The following PLCB4 variants were observed in gnomAD, a reference collection of about 807,000 sequenced individuals.
The protein encoded by PLCB4 is 1-phosphatidylinositol 4,5-bisphosphate phosphodiesterase beta-4.
In PLCB4, 77 loss-of-function variants were observed where a neutral mutation model predicts 178.8. That is an observed-to-expected ratio of 0.43 (90% confidence interval 0.36 to 0.52). The LOEUF (loss-of-function observed/expected upper bound fraction) is 0.52, where lower values mean the gene tolerates loss of function less well. Among genes scored for constraint, PLCB4 ranks in the 20% least tolerant of loss-of-function variants. The probability of loss-of-function intolerance (pLI) is 0.00; values close to 1 mark genes in which losing one functional copy is unlikely to be tolerated. For missense variants in PLCB4, 1,024 were observed against 1,453.4 expected, an observed-to-expected ratio of 0.70 and a Z score of 4.80; for synonymous variants, 496 against 490.8, an observed-to-expected ratio of 1.01 and a Z score of -0.14.
chr20:9,359,905 A>G (rs766144690), intron 7 of PLCB4, among the ~76,000 whole-genome samples: 8 of 152,166 alleles, frequency 5.3e-5, no homozygotes, highest in Non-Finnish European at 1.2e-4. Flanking sequence ...CTGGCATTTC[A>G]TCTACTTTAT....
chr20:9,383,123 T>C (rs1198557570), intron 13 of PLCB4, among the ~76,000 whole-genome samples: 2 of 152,078 alleles, frequency 1.3e-5, no homozygotes, highest in African/African-American at 4.8e-5. Context: ...TTACATAAAA[T>C]TAAAAACAGC....
At chr20:9,098,611 T>C (rs1400660473) in intron 2 of PLCB4, among the ~76,000 whole-genome samples, 2 of 151,306 alleles carry the variant, frequency 1.3e-5, no homozygotes, top group African/African-American at 4.9e-5. Context: ...TCTCATGTGT[T>C]AAATAGTCTC....
At chr20:9,190,885 C>CA (rs920574876) in intron 2 of PLCB4, among the ~76,000 whole-genome samples, 2 of 152,164 alleles carry the variant, frequency 1.3e-5, no homozygotes, top group African/African-American at 4.8e-5. Context: ...CAAGGTCACA[C>CA]AATCTGTAAA....
At chr20:9,179,949 G>A (rs2093218405) in intron 2 of PLCB4, among the ~76,000 whole-genome samples, 1 of 151,928 alleles carries the variant, frequency 6.6e-6, no homozygotes. Flanking sequence ...GAGAATGAGG[G>A]GAAAAAAGGA....
At chr20:9,451,014 T>C (rs2042737052) in intron 32 of PLCB4, among the ~76,000 whole-genome samples, 1 of 152,200 alleles carries the variant, frequency 6.6e-6, no homozygotes, top group Admixed American at 6.6e-5. Context: ...ACAAGGGCAG[T>C]TGTTTAATTA....
intron 18 of PLCB4, among the ~76,000 whole-genome samples, chr20:9,395,052 T>C (rs1310076285): frequency 6.6e-6 from 1 of 152,230 alleles, no homozygotes; most frequent in Non-Finnish European, 1.5e-5. Context: ...AATTATTTAG[T>C]CTTATTTTGT....
intron 3 of PLCB4, among the ~76,000 whole-genome samples, chr20:9,288,309 C>T (rs1346812576): frequency 6.6e-6 from 1 of 151,898 alleles, no homozygotes; most frequent in Non-Finnish European, 1.5e-5. Context: ...AAGGTTTCAA[C>T]AAGTACCTCT....
At chr20:9,326,150 G>T (rs1305276608) in intron 4 of PLCB4, among the ~76,000 whole-genome samples, 1 of 152,088 alleles carries the variant, frequency 6.6e-6, no homozygotes, top group Non-Finnish European at 1.5e-5. Flanking sequence ...TTTTTGGTGG[G>T]GTAGAGCACA....
intron 3 of PLCB4, among the ~76,000 whole-genome samples, chr20:9,244,795 T>TGC (rs2094107305): frequency 6.6e-6 from 1 of 152,234 alleles, no homozygotes; most frequent in Non-Finnish European, 1.5e-5. Context: ...TGAATTCTGA[T>TGC]AGTAAATAGT....
chr20:9,272,286 C>G (rs959536393), intron 3 of PLCB4, among the ~76,000 whole-genome samples: 1 of 152,002 alleles, frequency 6.6e-6, no homozygotes, highest in Non-Finnish European at 1.5e-5. Flanking sequence ...CAATGAGGTT[C>G]GCTGTATCAC....
At chr20:9,198,352 T>C (rs1383923026) in intron 2 of PLCB4, among the ~76,000 whole-genome samples, 1 of 152,230 alleles carries the variant, frequency 6.6e-6, no homozygotes, top group Non-Finnish European at 1.5e-5. Flanking sequence ...ACATTTATCT[T>C]GCTGTAAAAA....
intron 3 of PLCB4, among the ~76,000 whole-genome samples, chr20:9,229,885 A>G (rs1385457897): frequency 6.6e-6 from 1 of 152,002 alleles, no homozygotes; most frequent in Non-Finnish European, 1.5e-5. Context: ...TTTTTTTTGA[A>G]GGTTAAAAAG....
At chr20:9,401,442 C>A in intron 19 of PLCB4, 48 bp from the exon 20 acceptor site, 1 of 1,264,500 alleles carries the variant, frequency 7.9e-7, no homozygotes. Flanking sequence ...GGTCTGACTA[C>A]TTGGCAGTGG....
chr20:9,331,076 A>T (rs182429248), intron 4 of PLCB4, among the ~76,000 whole-genome samples: 87 of 152,302 alleles, frequency 5.7e-4, no homozygotes, highest in Non-Finnish European at 4.4e-5. Flanking sequence ...TAACTGCAAG[A>T]TTCTCCAGCA....
In PLCB4 at chr20:9,371,211, T is replaced by C; in HGVS notation, c.504-3T>C. On this transcript the variant is annotated splice_polypyrimidine_tract_variant and splice_region_variant and intron_variant, in intron 9 of 39. Transcript: ENST00000378473. ...ATGTGTGTTTCTTTCTTTTCTGCCC[T>C]AGTATTACTAGAACATTTGCATCGG... 1.3e-6 allele frequency: 2 copies of C among 1,579,280 alleles called. No individual in the cohort carries two copies. The highest frequency in any genetic ancestry group is 1.7e-5 in the Admixed American group (1 of 59,978).
intron 30 of PLCB4, among the ~76,000 whole-genome samples, chr20:9,438,365 TAAA>T (rs778937148): frequency 2.5e-5 from 3 of 119,992 alleles, no homozygotes; most frequent in Non-Finnish European, 1.7e-5. Flanking sequence ...GACTATATCT[TAAA>T]AAAAAAAAAA....
At chr20:9,276,391 G>A (rs568023338) in intron 3 of PLCB4, among the ~76,000 whole-genome samples, 75 of 152,172 alleles carry the variant, frequency 4.9e-4, no homozygotes, top group African/African-American at 1.7e-3. Context: ...GGACTCAGGT[G>A]TGGGGGCCTG....
intron 7 of PLCB4, among the ~76,000 whole-genome samples, chr20:9,351,065 G>T (rs2034294906): frequency 6.6e-6 from 1 of 152,098 alleles, no homozygotes; most frequent in African/African-American, 2.4e-5. Flanking sequence ...ATATAAAGGG[G>T]GTTCTTTGGT....
chr20:9,207,709 G>C (rs2093629761), intron 2 of PLCB4, among the ~76,000 whole-genome samples: 1 of 152,148 alleles, frequency 6.6e-6, no homozygotes, highest in South Asian at 2.1e-4. Flanking sequence ...AATAGGAAAG[G>C]GATCCAATCA....
Sources: gnomAD v4.1 joint callset for allele counts (sites outside exome capture counted in the v4.1 genomes callset) on GRCh38, gnomAD v4.1.1 for gene constraint, MANE v1.5 for transcripts, NCBI Gene and HGNC (gene_info 2026-07-23, HGNC 2026-07-21) for gene names.